The following FSTL4 variants were observed in gnomAD, a reference collection of about 807,000 sequenced individuals.
FSTL4 encodes follistatin-related protein 4.
FSTL4 carries 28 observed loss-of-function variants against 78.2 expected under a neutral mutation model. That is an observed-to-expected ratio of 0.36 (90% CI 0.27 to 0.49). FSTL4 has a LOEUF of 0.49. Among genes scored for constraint, FSTL4 ranks in the 20% least tolerant of loss-of-function variants. FSTL4 has a pLI of 0.98. For missense variants in FSTL4, 922 were observed against 1,084.9 expected, an observed-to-expected ratio of 0.85 and a Z score of 2.11; for synonymous variants, 422 against 440.5, an observed-to-expected ratio of 0.96 and a Z score of 0.53.
Position 133,426,437 on chromosome 5 carries a change from C to T in FSTL4, c.161-25451G>A, listed in dbSNP as rs184574000. Among the ~76,000 whole-genome samples the T allele has an allele frequency of 7.4e-3, 1,133 of 152,206 alleles. 12 individuals carry two copies. Among genetic ancestry groups the T allele is most frequent in the African/African-American group, 0.026 (1,076 of 41,516 alleles). On this transcript the variant is annotated intron_variant, in intron 3 of 15. Transcript: ENST00000265342. The surrounding 1 kb of genome is among the most constrained non-coding windows in gnomAD (Gnocchi z 5.0). ...ATGAATAGCGCTGCCCTGCCCCCTCCGCACTCCCTAATTGGAGAATGTCAT... is the reference window on the plus strand; with the variant it reads ...ATGAATAGCGCTGCCCTGCCCCCTCTGCACTCCCTAATTGGAGAATGTCAT...
the FSTL4 span, among the ~76,000 whole-genome samples, chr5:133,813,319 T>C: frequency 6.6e-6 from 1 of 152,238 alleles, no homozygotes; most frequent in Non-Finnish European, 1.5e-5. Context: ...AGACAAATAA[T>C]AAAAATAGTA....
At chr5:133,402,465 A>C (rs1756252480) in intron 3 of FSTL4, among the ~76,000 whole-genome samples, 1 of 152,238 alleles carries the variant, frequency 6.6e-6, no homozygotes, top group African/African-American at 2.4e-5. Context: ...GCCTCAGAAG[A>C]CTTTGCTTTA....
At chr5:133,595,462 T>C (rs926299260) in intron 2 of FSTL4, among the ~76,000 whole-genome samples, 3 of 152,264 alleles carry the variant, frequency 2.0e-5, no homozygotes, top group Non-Finnish European at 4.4e-5. Context: ...CATCCTGCTG[T>C]GTGCCAGGCT....
intron 3 of FSTL4, among the ~76,000 whole-genome samples, chr5:133,490,515 A>C (rs1421059825): frequency 1.3e-5 from 2 of 152,166 alleles, no homozygotes; most frequent in Non-Finnish European, 2.9e-5. Flanking sequence ...AATTATACTG[A>C]AGGCTATAAC....
chr5:133,737,020 A>G, the FSTL4 span, among the ~76,000 whole-genome samples: 1 of 152,184 alleles, frequency 6.6e-6, no homozygotes, highest in Admixed American at 6.5e-5. Flanking sequence ...AAATACGCAC[A>G]TCATGGAGAA....
At chr5:133,231,919 C>G (rs1414607250) in intron 8 of FSTL4, among the ~76,000 whole-genome samples, 1 of 152,164 alleles carries the variant, frequency 6.6e-6, no homozygotes, top group Non-Finnish European at 1.5e-5. Context: ...TTGGGAAACA[C>G]CGACCATTCC....
intron 6 of FSTL4, among the ~76,000 whole-genome samples, chr5:133,312,116 G>A (rs545840898): frequency 1.3e-5 from 2 of 152,294 alleles, no homozygotes; most frequent in East Asian, 3.9e-4. Context: ...GGCACTCAGA[G>A]TACCTCCTCT....
chr5:133,761,266 A>G, the FSTL4 span, among the ~76,000 whole-genome samples: 277 of 152,304 alleles, frequency 1.8e-3, no homozygotes, highest in African/African-American at 6.1e-3. Context: ...CGAAGACTCC[A>G]TAAAGAAGCC....
chr5:133,793,861 TAGAG>T, the FSTL4 span, among the ~76,000 whole-genome samples: 2 of 152,228 alleles, frequency 1.3e-5, no homozygotes, highest in African/African-American at 2.4e-5. Flanking sequence ...GGTTTTAACT[TAGAG>T]GGAGGAAAAG....
At chr5:133,248,447 G>A (rs997899317) in intron 7 of FSTL4, 1 of 152,188 alleles carries the variant, frequency 6.6e-6, no homozygotes, top group African/African-American at 2.4e-5. Context: ...AGACCCGTCA[G>A]CTGTCCTGGC....
intron 3 of FSTL4, among the ~76,000 whole-genome samples, chr5:133,436,540 T>C (rs2126999712): frequency 6.6e-6 from 1 of 152,176 alleles, no homozygotes; most frequent in South Asian, 2.1e-4. Flanking sequence ...ATTGAGAAGT[T>C]ATTAAACAGT....
At chr5:133,431,727 A>C (rs1225241965) in intron 3 of FSTL4, among the ~76,000 whole-genome samples, 2 of 152,198 alleles carry the variant, frequency 1.3e-5, no homozygotes, top group Non-Finnish European at 1.5e-5. Flanking sequence ...ACTAAAATAC[A>C]ATGGTAGTTG....
the FSTL4 span, among the ~76,000 whole-genome samples, chr5:133,665,519 C>G: frequency 6.6e-6 from 1 of 152,190 alleles, no homozygotes; most frequent in South Asian, 2.1e-4. Flanking sequence ...CATGCCTCTG[C>G]CACGGTGCTT....
the FSTL4 span, among the ~76,000 whole-genome samples, chr5:133,655,231 A>C: frequency 6.6e-6 from 1 of 152,000 alleles, no homozygotes; most frequent in Non-Finnish European, 1.5e-5. Context: ...CATAATTACT[A>C]TCTGTGTTCA....
chr5:133,433,031 G>T (rs1457254154), intron 3 of FSTL4, among the ~76,000 whole-genome samples: 1 of 152,198 alleles, frequency 6.6e-6, no homozygotes, highest in African/African-American at 2.4e-5. Context: ...AAGGCATCTG[G>T]CTCCTCTATT....
At chr5:133,228,245 T>TA (rs576948737) in intron 8 of FSTL4, among the ~76,000 whole-genome samples, 29 of 151,248 alleles carry the variant, frequency 1.9e-4, no homozygotes, top group South Asian at 8.3e-4. Context: ...ATAATAAAAA[T>TA]AAAAAAAAGG....
chr5:133,806,944 A>G, the FSTL4 span, among the ~76,000 whole-genome samples: 1 of 152,238 alleles, frequency 6.6e-6, no homozygotes, highest in Non-Finnish European at 1.5e-5. Flanking sequence ...GGCGATGCCC[A>G]TAATCATGAC....
intron 3 of FSTL4, among the ~76,000 whole-genome samples, chr5:133,483,413 T>C (rs1190323544): frequency 1.3e-5 from 2 of 152,204 alleles, no homozygotes; most frequent in African/African-American, 4.8e-5. Flanking sequence ...GTGTGTGGAC[T>C]GCAGAAGCCC....
At chr5:133,531,746 C>A (rs17166751) in intron 3 of FSTL4, among the ~76,000 whole-genome samples, 1 of 151,968 alleles carries the variant, frequency 6.6e-6, no homozygotes, top group Non-Finnish European at 1.5e-5. Flanking sequence ...GGTGATAGGG[C>A]GGAAATCATC....
Sources: gnomAD v4.1 joint callset for allele counts (sites outside exome capture counted in the v4.1 genomes callset) on GRCh38, gnomAD v4.1.1 for gene constraint, Gnocchi (gnomAD v3.1) non-coding constraint, MANE v1.5 for transcripts, NCBI Gene and HGNC (gene_info 2026-07-23, HGNC 2026-07-21) for gene names.